SYNJ2: variants seen among roughly 807,000 people sequenced by gnomAD.
SYNJ2 encodes the protein polyphosphatidylinositol phosphatase SYNJ2.
In SYNJ2, 116 loss-of-function variants were observed where a neutral mutation model predicts 141.3. The observed-to-expected ratio is 0.82, with a 90% CI of 0.71 to 0.96. The LOEUF is 0.96. Ranked by LOEUF, SYNJ2 falls within the 40% of genes least tolerant of loss-of-function variation. The pLI is 0.00. For synonymous variants in SYNJ2, 745 were observed against 777.7 expected (o/e 0.96, Z 0.70); for missense variants, 1,873 against 1,934.8 (o/e 0.97, Z 0.60).
chr6:158,046,900 C>G (rs975939010), intron 5 of SYNJ2, among the ~76,000 whole-genome samples: 68 of 140,902 alleles, frequency 4.8e-4, no homozygotes, highest in African/African-American at 1.0e-3. Context: ...TTCCCCCCAC[C>G]ATATGCTGTA....
In SYNJ2 at chr6:158,070,201, C is replaced by T. The variant is rs1041088636; in HGVS notation, c.1940+528C>T. 1 of 985,326 alleles carries T rather than the reference C, an allele frequency of 1.0e-6. No homozygotes were observed. The highest frequency in any genetic ancestry group is 1.7e-5 in the African/African-American group (1 of 57,206). The allele number at this position is 985,326 out of a possible 1,614,324, so 61.0% of individuals were successfully genotyped here. ...TGTGGGTGTTTGGATGCTGGAGGAA[C>T]TCATCTTTTCCCCAGCTTGTGGTTG... On this transcript the variant is annotated intron_variant, in intron 14 of 26. Transcript: ENST00000355585. The surrounding 1 kb of genome is among the most constrained non-coding windows in gnomAD (Gnocchi z 4.0).
chr6:158,095,948 C>T lies in SYNJ2; in HGVS notation c.4075C>T (p.Leu1359Phe), dbSNP rs764079839. 25 of 1,614,046 alleles carry T rather than the reference C, an allele frequency of 1.5e-5. No individual in the cohort carries two copies. The East Asian group carries it at 3.3e-4, about 22-fold the overall frequency. Residue 1359 changes from leucine (L) to phenylalanine (F), a missense_variant, in exon 27 of 27, where the codon CTC becomes TTC. Leu to Phe is a conservative substitution (Grantham distance 22). Coordinates refer to ENST00000355585, the MANE Select transcript of SYNJ2 (RefSeq NM_003898.4). Reference protein sequence around the residue: ...LQSNSQLLQGLTYNSSDSPSG... With the variant: ...LQSNSQLLQGFTYNSSDSPSG... ...GAGCAACAGCCAGCTTCTCCAGGGCCTCACTTACAATAGCAGTGACAGCCC... is the reference window on the plus strand; with the variant it reads ...GAGCAACAGCCAGCTTCTCCAGGGCTTCACTTACAATAGCAGTGACAGCCC...
In SYNJ2 at chr6:158,057,841, G is replaced by A. The variant is rs560641830; in HGVS notation, c.858-1416G>A. Among the ~76,000 whole-genome samples, 5 of 152,306 alleles carry A rather than the reference G, an allele frequency of 3.3e-5. No individual in the cohort carries two copies. The South Asian group carries it at 6.2e-4, about 19-fold the overall frequency. ...GGGATGCACCTTCTCTGGGCAGACC[G>A]ACCCAAAAGAAAGCCCACAAGGGCT... On this transcript the variant is annotated intron_variant, in intron 6 of 26. Transcript: ENST00000355585.
chr6:158,068,137 AT>A (rs1746628160), intron 12 of SYNJ2, among the ~76,000 whole-genome samples: 1 of 106,448 alleles, frequency 9.4e-6, no homozygotes, highest in East Asian at 2.6e-4. Context: ...GGATTGTTTT[AT>A]TTAAAAAAAA....
chr6:158,015,042 G>C (rs762752032), intron 1 of SYNJ2, among the ~76,000 whole-genome samples: 1 of 152,182 alleles, frequency 6.6e-6, no homozygotes, highest in South Asian at 2.1e-4. Context: ...TTTGAGTTGG[G>C]GTGTTGGGAT....
In SYNJ2 at chr6:158,048,891, G is replaced by A. The variant is rs1583405657; in HGVS notation, c.795+5492G>A. ...CAGGAGCTGGCTCCAGCACACACTGGACACTGCTAAAGGGCTGCAAGAGGT... is the reference window on the plus strand; with the variant it reads ...CAGGAGCTGGCTCCAGCACACACTGAACACTGCTAAAGGGCTGCAAGAGGT... On this transcript the variant is annotated intron_variant, in intron 5 of 26. Coordinates refer to ENST00000355585, the MANE Select transcript of SYNJ2 (RefSeq NM_003898.4). Among the ~76,000 whole-genome samples the A allele has an allele frequency of 3.3e-5, 5 of 152,322 alleles. 1 individual carries two copies. The South Asian group carries it at 1.0e-3, about 32-fold the overall frequency.
At chr6:157,991,513 GT>G (rs1159785381) in intron 1 of SYNJ2, among the ~76,000 whole-genome samples, 7 of 152,194 alleles carry the variant, frequency 4.6e-5, no homozygotes, top group African/African-American at 1.7e-4. Flanking sequence ...CTTCTTTCCA[GT>G]GGGGGAATTT....
At chr6:158,017,660 C>A in intron 2 of SYNJ2, 1 of 460,782 alleles carries the variant, frequency 2.2e-6, no homozygotes, top group Non-Finnish European at 4.5e-6. Flanking sequence ...GGTGGTCCAC[C>A]TGCCTCAGCC....
At chr6:157,989,854 G>A (rs1009227592) in intron 1 of SYNJ2, among the ~76,000 whole-genome samples, 15 of 152,186 alleles carry the variant, frequency 9.9e-5, no homozygotes, top group Admixed American at 2.6e-4. Context: ...AAGTGTCTGC[G>A]GGAGGGTGCT....
At chr6:158,072,244 A>G (rs1178847189) in intron 15 of SYNJ2, among the ~76,000 whole-genome samples, 1 of 152,130 alleles carries the variant, frequency 6.6e-6, no homozygotes, top group Non-Finnish European at 1.5e-5. Context: ...CTTTTGACCA[A>G]TGGACCCTTT....
intron 2 of SYNJ2, among the ~76,000 whole-genome samples, chr6:158,018,751 C>T (rs551692274): frequency 6.6e-6 from 1 of 152,226 alleles, no homozygotes; most frequent in Non-Finnish European, 1.5e-5. Context: ...TCTTTGTCCC[C>T]GTTTACAGTA....
chr6:158,089,924 G>A lies in SYNJ2; in HGVS notation c.3542G>A (p.Arg1181Gln), dbSNP rs61756209. 2,677 of 1,613,846 alleles carry A rather than the reference G, an allele frequency of 1.7e-3. 3 individuals carry two copies. The highest frequency in any genetic ancestry group is 2.1e-3 in the Non-Finnish European group (2,452 of 1,179,898). The change falls in exon 25 of 27, where the codon CGG (arginine) becomes CAG (glutamine). Residue 1181 changes from arginine to glutamine, a missense_variant. Transcript: ENST00000355585. ...TNAQEAEAAI[R>Q]CLLEARGGAS... ...GCCCAGGAGGCAGAAGCAGCAATCC[G>A]GTGTCTCCTGGAAGCCAGAGGAGGT...
At chr6:158,064,523 A>G in intron 9 of SYNJ2, 78 bp from the exon 10 acceptor site, 2 of 1,558,502 alleles carry the variant, frequency 1.3e-6, no homozygotes, top group South Asian at 1.2e-5. Flanking sequence ...AGGCTGCCGA[A>G]TAAGGAACCT....
At chr6:158,000,064 CTTTTTTTTT>C (rs58284240) in intron 1 of SYNJ2, among the ~76,000 whole-genome samples, 1 of 85,598 alleles carries the variant, frequency 1.2e-5, no homozygotes, top group South Asian at 3.5e-4. Context: ...AGCCAAAAGG[CTTTTTTTTT>C]TTTTTTTTTT....
At chr6:157,990,693 G>T (rs184213392) in intron 1 of SYNJ2, among the ~76,000 whole-genome samples, 1 of 152,218 alleles carries the variant, frequency 6.6e-6, no homozygotes, top group African/African-American at 2.4e-5. Context: ...ACGGGCTCCC[G>T]TGCAGTTTCT....
chr6:158,086,476 C>G (rs893692933), intron 22 of SYNJ2, among the ~76,000 whole-genome samples: 1 of 152,150 alleles, frequency 6.6e-6, no homozygotes, highest in Non-Finnish European at 1.5e-5. Context: ...CTTCCTCAGC[C>G]GGTGTGTTCT....
chr6:158,053,867 T>C (rs1356918861), intron 5 of SYNJ2, among the ~76,000 whole-genome samples: 2 of 147,922 alleles, frequency 1.4e-5, no homozygotes, highest in African/African-American at 5.0e-5. Flanking sequence ...TGTCCATCCA[T>C]CCACCCACCT....
intron 2 of SYNJ2, among the ~76,000 whole-genome samples, chr6:158,023,263 T>TAA (rs1778869125): frequency 8.4e-6 from 1 of 119,380 alleles, no homozygotes; most frequent in Non-Finnish European, 1.7e-5. Flanking sequence ...GTCTCTAAAT[T>TAA]TAAAAAAAAA....
chr6:158,028,877 G>A lies in SYNJ2; in HGVS notation c.336G>A (p.Lys112=). ...TTTACCCTCTTCAGGAAGAGGCCAA[G>A]GAGGAGGAACGCCTCATAGCTTTGA... ...TDFYPLQEEA[K]EEERLIALKK... Residue 112 remains lysine, a synonymous_variant, in exon 3 of 27, where the codon AAG becomes AAA. Coordinates refer to ENST00000355585, the MANE Select transcript of SYNJ2 (RefSeq NM_003898.4). 1 of 1,614,228 alleles carries A rather than the reference G, an allele frequency of 6.2e-7. No homozygotes were observed. Among genetic ancestry groups the A allele is most frequent in the Non-Finnish European group, 8.5e-7 (1 of 1,180,032 alleles).
Sources: gnomAD v4.1 joint callset for allele counts (sites outside exome capture counted in the v4.1 genomes callset) on GRCh38, gnomAD v4.1.1 for gene constraint, Gnocchi (gnomAD v3.1) non-coding constraint, MANE v1.5 for transcripts, NCBI Gene and HGNC (gene_info 2026-07-23, HGNC 2026-07-21) for gene names.